The following NANOS2 variants were observed in gnomAD, a reference collection of about 807,000 sequenced individuals.
NANOS2 encodes nanos C2HC-type zinc finger 2, also known as nanos homolog 2.
NANOS2 carries 3 observed loss-of-function variants against 6.4 expected under a neutral mutation model. That is an observed-to-expected ratio of 0.47 (90% confidence interval 0.22 to 1.22). NANOS2 has a LOEUF of 1.22. Among genes scored for constraint, NANOS2 ranks in the 50% most tolerant of loss-of-function variants. The pLI, the probability that NANOS2 is intolerant of heterozygous loss-of-function variation, is 0.22. For synonymous variants in NANOS2, 86 were observed against 85.6 expected (o/e 1.00, Z -0.03); for missense variants, 177 against 191.0 (o/e 0.93, Z 0.43).
In NANOS2 at chr19:45,914,679, G is replaced by A. The variant is rs752027758; in HGVS notation, c.15C>T (p.Pro5=). The A allele has an allele frequency of 1.2e-6, 2 of 1,611,958 alleles. No homozygotes were observed. Among genetic ancestry groups the A allele is most frequent in the Admixed American group, 3.3e-5 (2 of 59,934 alleles). The change falls in exon 1 of 1, where the codon CCC becomes CCT. Residue 5 remains proline, a synonymous_variant. Coordinates refer to ENST00000341294, the MANE Select transcript of NANOS2 (RefSeq NM_001029861.3). ...TGAAGTAGTCCTTCCACATGTCGAA[G>A]GGTGGCAGCTGCATGGCACCAAAGC... MQLP[P]FDMWKDYFNL...
rs1967447211 is a variant in NANOS2, at chr19:45,914,437, C to T, written c.257G>A (p.Gly86Asp). Residue 86 changes from glycine (G) to aspartate (D), a missense_variant, in exon 1 of 1, where the codon GGC becomes GAC. Gly to Asp is a moderately conservative substitution (Grantham distance 94). Transcript: ENST00000341294. ...YSSHQLKTPD[G>D]VVVCPILRHY... is the part of the protein sequence containing the mutation. The stretch of plus-strand genomic sequence containing the variant: ...CCTCAGGATGGGACACACCACCACG[C>T]CATCCGGTGTCTTCAGCTGGTGTGA... The T allele has an allele frequency of 6.2e-7, 1 of 1,614,200 alleles. No homozygotes were observed. Among genetic ancestry groups the T allele is most frequent in the South Asian group, 1.1e-5 (1 of 91,092 alleles).
In NANOS2 at chr19:45,913,256, A is replaced by G. The variant is rs1568650371; in HGVS notation, c.*1021T>C. The G allele has an allele frequency of 6.6e-6, 1 of 152,164 alleles. No individual in the cohort carries two copies. Among genetic ancestry groups the G allele is most frequent in the South Asian group, 2.1e-4 (1 of 4,832 alleles). The allele number at this position is 152,164 out of a possible 1,614,324, so 9.4% of individuals were successfully genotyped here. ...AAACCTTTTTATTCACCAGAGCTCA[A>G]TACTCAGGGTCCCGACCCTGTGCCA... is the stretch of plus-strand genomic sequence containing the variant. On this transcript the variant is annotated 3_prime_UTR_variant, in exon 1 of 1. Transcript: ENST00000341294.
chr19:45,913,792 T>G lies in NANOS2; in HGVS notation c.*485A>C, dbSNP rs1358706134. The G allele has an allele frequency of 6.2e-6, 1 of 161,288 alleles. No homozygotes were observed. The highest frequency in any genetic ancestry group is 1.8e-4 in the South Asian group (1 of 5,628). 10.0% of individuals were successfully genotyped at this position (161,288 alleles called of 1,614,324 possible). On this transcript the variant is annotated 3_prime_UTR_variant, in exon 1 of 1. Coordinates refer to ENST00000341294, the MANE Select transcript of NANOS2 (RefSeq NM_001029861.3). ...GCAGGAGGCTGAAGATGGAGAAGGC[T>G]GGTCTTAAGTCGACATCCCATCTTG... is the stretch of plus-strand genomic sequence containing the variant.
In NANOS2 at chr19:45,914,281, C is replaced by A. The variant is rs764015388; in HGVS notation, c.413G>T (p.Arg138Leu). Residue 138 changes from arginine to leucine, a missense_variant, in exon 1 of 1, where the codon CGC becomes CTC. By Grantham distance (102) the Arg-to-Leu change is moderately radical. Transcript: ENST00000341294. ...GTGGTGAGCATCTCACGATGCTCAG[C>A]GCTTGACCCTGCGTCCGGCCGAGTT... ...GRNSAGRRVK[R>L] The A allele has an allele frequency of 2.5e-6, 4 of 1,610,870 alleles. No individual in the cohort carries two copies. Among genetic ancestry groups the A allele is most frequent in the East Asian group, 2.2e-5 (1 of 44,852 alleles).
rs1967430868 is a variant in NANOS2, at chr19:45,913,259, C to T, written c.*1018G>A. ...CCTTTTTATTCACCAGAGCTCAATA[C>T]TCAGGGTCCCGACCCTGTGCCAAAA... On this transcript the variant is annotated 3_prime_UTR_variant, in exon 1 of 1. Transcript: ENST00000341294. 6.6e-6 allele frequency: 1 copy of T among 152,154 alleles called. No homozygotes were observed. Among genetic ancestry groups the T allele is most frequent in the South Asian group, 2.1e-4 (1 of 4,828 alleles). 9.4% of individuals were successfully genotyped at this position (152,154 alleles called of 1,614,324 possible).
In NANOS2 at chr19:45,914,699, C is replaced by A; in HGVS notation, c.-6G>T. The A allele has an allele frequency of 6.2e-7, 1 of 1,605,326 alleles. No individual in the cohort carries two copies. Among genetic ancestry groups the A allele is most frequent in the Non-Finnish European group, 8.5e-7 (1 of 1,174,450 alleles). Reference sequence around the variant, plus strand: ...TCGAAGGGTGGCAGCTGCATGGCACCAAAGCAGGGGTGGTGGGCCACAGGA... The same window carrying A: ...TCGAAGGGTGGCAGCTGCATGGCACAAAAGCAGGGGTGGTGGGCCACAGGA... On this transcript the variant is annotated 5_prime_UTR_variant, in exon 1 of 1. Transcript: ENST00000341294.
In NANOS2 at chr19:45,914,125, C is replaced by T. The variant is rs1225936262; in HGVS notation, c.*152G>A. ...CAAGGGGGCGGGGCTGGCCTGGCTC[C>T]CAGCAGCCTCCACTGTTTCAGGATC... On this transcript the variant is annotated 3_prime_UTR_variant, in exon 1 of 1. Coordinates refer to ENST00000341294, the MANE Select transcript of NANOS2 (RefSeq NM_001029861.3). 1.1e-5 allele frequency: 9 copies of T among 810,514 alleles called. No individual in the cohort carries two copies. In the Admixed American group the frequency reaches 2.6e-4, roughly 23 times the overall value. 50.2% of individuals were successfully genotyped at this position (810,514 alleles called of 1,614,324 possible). A position where few individuals can be genotyped will look rare whatever the true frequency, so the allele number is the denominator to read the frequency against.
At position 45,914,146 on chromosome 19, in the gene NANOS2, G is replaced by T; in HGVS notation, c.*131C>A. 1 of 950,506 alleles carries T rather than the reference G, an allele frequency of 1.1e-6. No individual in the cohort carries two copies. The highest frequency in any genetic ancestry group is 1.5e-6 in the Non-Finnish European group (1 of 650,450). The allele number at this position is 950,506 out of a possible 1,614,324, so 58.9% of individuals were successfully genotyped here. On this transcript the variant is annotated 3_prime_UTR_variant, in exon 1 of 1. Transcript: ENST00000341294. Reference sequence around the variant, plus strand: ...GCTCCCAGCAGCCTCCACTGTTTCAGGATCCAGCCAGGGTGGAGTTCTGGG... The same window carrying T: ...GCTCCCAGCAGCCTCCACTGTTTCATGATCCAGCCAGGGTGGAGTTCTGGG...
rs1055525510 is a variant in NANOS2 at position 45,914,586 on chromosome 19, C to T, written c.108G>A (p.Glu36=). The change falls in exon 1 of 1, where the codon GAG becomes GAA. Residue 36 remains glutamate, a synonymous_variant. Coordinates refer to ENST00000341294, the MANE Select transcript of NANOS2 (RefSeq NM_001029861.3). The part of the protein sequence containing the change: ...RGQRLETQEI[E]EPSPGPPLGQ... ...CCAGCGGAGGCCCGGGACTTGGCTC[C>T]TCAATCTCTTGGGTCTCCAGCCTTT... 3 of 1,614,114 alleles carry T rather than the reference C, an allele frequency of 1.9e-6. No homozygotes were observed. The highest frequency in any genetic ancestry group is 2.5e-6 in the Non-Finnish European group (3 of 1,180,042).
rs1030196014 is a variant in NANOS2 at position 45,913,767 on chromosome 19, G to A, written c.*510C>T. 2 of 160,770 alleles carry A rather than the reference G, an allele frequency of 1.2e-5. No homozygotes were observed. The highest frequency in any genetic ancestry group is 3.1e-3 in the Middle Eastern group (1 of 326). The allele number at this position is 160,770 out of a possible 1,614,324, so 10.0% of individuals were successfully genotyped here. A position where few individuals can be genotyped will look rare whatever the true frequency, so the allele number is the denominator to read the frequency against. ...TGGTCCACGATGACACCGTGGTTCT[G>A]CAGGAGGCTGAAGATGGAGAAGGCT... On this transcript the variant is annotated 3_prime_UTR_variant, in exon 1 of 1. Coordinates refer to ENST00000341294, the MANE Select transcript of NANOS2 (RefSeq NM_001029861.3).
chr19:45,914,052 A>T lies in NANOS2; in HGVS notation c.*225T>A, dbSNP rs1404063080. ...AGGAAGGGTTCCCGCGGCACCAAGG[A>T]CCCTCAGGCCAACGCCCACAGGCCA... is the stretch of plus-strand genomic sequence containing the variant. On this transcript the variant is annotated 3_prime_UTR_variant, in exon 1 of 1. Transcript: ENST00000341294. 3.5e-6 allele frequency: 2 copies of T among 573,498 alleles called. No individual in the cohort carries two copies. Among genetic ancestry groups the T allele is most frequent in the African/African-American group, 3.7e-5 (2 of 53,588 alleles). 35.5% of individuals were successfully genotyped at this position (573,498 alleles called of 1,614,324 possible). A position where few individuals can be genotyped will look rare whatever the true frequency, so the allele number is the denominator to read the frequency against.
rs759866673 is a variant in NANOS2 at position 45,914,270 on chromosome 19, A to G, written c.*7T>C. On this transcript the variant is annotated 3_prime_UTR_variant, in exon 1 of 1. Coordinates refer to ENST00000341294, the MANE Select transcript of NANOS2 (RefSeq NM_001029861.3). The stretch of plus-strand genomic sequence containing the variant: ...CAGGGGTGCGGGTGGTGAGCATCTC[A>G]CGATGCTCAGCGCTTGACCCTGCGT... 9 of 1,603,386 alleles carry G rather than the reference A, an allele frequency of 5.6e-6. No individual in the cohort carries two copies. The highest frequency in any genetic ancestry group is 7.7e-6 in the Non-Finnish European group (9 of 1,173,262).
Position 45,914,587 on chromosome 19 carries a change from T to G in NANOS2, c.107A>C (p.Glu36Ala), listed in dbSNP as rs1967450292. ...CAGCGGAGGCCCGGGACTTGGCTCC[T>G]CAATCTCTTGGGTCTCCAGCCTTTG... ...RGQRLETQEIEEPSPGPPLGQ... is the reference protein window; with the variant it reads ...RGQRLETQEIAEPSPGPPLGQ... The change falls in exon 1 of 1, where the codon GAG (glutamate) becomes GCG (alanine). Residue 36 changes from glutamate to alanine, a missense_variant. Coordinates refer to ENST00000341294, the MANE Select transcript of NANOS2 (RefSeq NM_001029861.3). 6.2e-7 allele frequency: 1 copy of G among 1,614,194 alleles called. No homozygotes were observed. The highest frequency in any genetic ancestry group is 8.5e-7 in the Non-Finnish European group (1 of 1,180,020).
rs761479851 is a variant in NANOS2, at chr19:45,914,565, C to T, written c.129G>A (p.Pro43=). 1.5e-5 allele frequency: 25 copies of T among 1,614,072 alleles called. No homozygotes were observed. The highest frequency in any genetic ancestry group is 2.2e-5 in the East Asian group (1 of 44,892). Residue 43 remains proline, a synonymous_variant, in exon 1 of 1, where the codon CCG becomes CCA. Transcript: ENST00000341294. The part of the protein sequence containing the change: ...QEIEEPSPGP[P]LGQDQGLGAP... The stretch of plus-strand genomic sequence containing the variant: ...CCCCCAGCCCCTGATCCTGCCCCAG[C>T]GGAGGCCCGGGACTTGGCTCCTCAA...
rs768808766 is a variant in NANOS2 at position 45,914,454 on chromosome 19, C to G, written c.240G>C (p.Gln80His). ...GESRHVYSSH[Q>H]LKTPDGVVVC... ...CCACCACGCCATCCGGTGTCTTCAG[C>G]TGGTGTGAGGAGTAGACGTGGCGGG... Residue 80 changes from glutamine (Q) to histidine (H), a missense_variant, in exon 1 of 1, where the codon CAG becomes CAC. Coordinates refer to ENST00000341294, the MANE Select transcript of NANOS2 (RefSeq NM_001029861.3). The G allele has an allele frequency of 6.2e-7, 1 of 1,614,078 alleles. No individual in the cohort carries two copies. The highest frequency in any genetic ancestry group is 1.3e-5 in the African/African-American group (1 of 74,962).
At position 45,914,676 on chromosome 19, in the gene NANOS2, G is replaced by T. The variant is rs765816961; in HGVS notation, c.18C>A (p.Phe6Leu). 3 of 1,612,452 alleles carry T rather than the reference G, an allele frequency of 1.9e-6. No individual in the cohort carries two copies. The South Asian group carries it at 3.3e-5, about 18-fold the overall frequency. Residue 6 changes from phenylalanine to leucine, a missense_variant, in exon 1 of 1, where the codon TTC (phenylalanine) becomes TTA (leucine). Coordinates refer to ENST00000341294, the MANE Select transcript of NANOS2 (RefSeq NM_001029861.3). MQLPPFDMWKDYFNLS... is the reference protein window; with the variant it reads MQLPPLDMWKDYFNLS... The stretch of plus-strand genomic sequence containing the variant: ...GGTTGAAGTAGTCCTTCCACATGTC[G>T]AAGGGTGGCAGCTGCATGGCACCAA...
In NANOS2 at chr19:45,914,406, G is replaced by A; in HGVS notation, c.288C>T (p.Tyr96=). ...CGGTGGCCCCGCACACGGGACACAC[G>A]TAGTGCCTCAGGATGGGACACACCA... The part of the protein sequence containing the change: ...GVVVCPILRH[Y]VCPVCGATGD... The change falls in exon 1 of 1, where the codon TAC becomes TAT. Residue 96 remains tyrosine, a synonymous_variant. Coordinates refer to ENST00000341294, the MANE Select transcript of NANOS2 (RefSeq NM_001029861.3). 1 of 1,614,178 alleles carries A rather than the reference G, an allele frequency of 6.2e-7. No individual in the cohort carries two copies. Among genetic ancestry groups the A allele is most frequent in the South Asian group, 1.1e-5 (1 of 91,088 alleles).
In NANOS2 at chr19:45,913,988, T is replaced by C. The variant is rs1967440905; in HGVS notation, c.*289A>G. ...CAGCAGGCCCCACGAGGACAAAAGATCCATGAACCGGGGCCCAGAGGGCGC... is the reference window on the plus strand; with the variant it reads ...CAGCAGGCCCCACGAGGACAAAAGACCCATGAACCGGGGCCCAGAGGGCGC... On this transcript the variant is annotated 3_prime_UTR_variant, in exon 1 of 1. Transcript: ENST00000341294. 1 of 443,606 alleles carries C rather than the reference T, an allele frequency of 2.3e-6. No individual in the cohort carries two copies. The highest frequency in any genetic ancestry group is 3.5e-5 in the East Asian group (1 of 28,330). 27.5% of individuals were successfully genotyped at this position (443,606 alleles called of 1,614,324 possible).
In NANOS2 at chr19:45,914,750, G is replaced by A. The variant is rs1967452965; in HGVS notation, c.-57C>T. On this transcript the variant is annotated 5_prime_UTR_variant, in exon 1 of 1. Transcript: ENST00000341294. The stretch of plus-strand genomic sequence containing the variant: ...GAGGGGCTGGGGCTGGGGGCCCGTG[G>A]GCAAGGGCAAGAGCAGCAGGCGTTT... 1 of 1,518,234 alleles carries A rather than the reference G, an allele frequency of 6.6e-7. No individual in the cohort carries two copies. The highest frequency in any genetic ancestry group is 2.0e-5 in the Admixed American group (1 of 50,836). The allele number at this position is 1,518,234 out of a possible 1,614,324, so 94.0% of individuals were successfully genotyped here. A position where few individuals can be genotyped will look rare whatever the true frequency, so the allele number is the denominator to read the frequency against.
Sources: gnomAD v4.1 joint callset for allele counts on GRCh38, gnomAD v4.1.1 for gene constraint, MANE v1.5 for transcripts, NCBI Gene and HGNC (gene_info 2026-07-23, HGNC 2026-07-21) for gene names.